FOXP2: variants seen among roughly 807,000 people sequenced by gnomAD.
FOXP2 encodes the protein forkhead box protein P2.
FOXP2 carries 12 observed loss-of-function variants against 115.8 expected under a neutral mutation model. The observed-to-expected ratio is 0.10, with a 90% confidence interval of 0.07 to 0.17. The LOEUF (loss-of-function observed/expected upper bound fraction) is 0.17. Among genes scored for constraint, FOXP2 ranks in the 10% least tolerant of loss-of-function variants. The pLI, the probability that FOXP2 is intolerant of heterozygous loss-of-function variation, is 1.00. For missense variants in FOXP2, 629 were observed against 843.5 expected (o/e 0.75, Z 3.15); for synonymous variants, 328 against 297.7 (o/e 1.10, Z -1.05).
intron 3 of FOXP2, among the ~76,000 whole-genome samples, chr7:114,548,692 A>G (rs1193658255): frequency 6.6e-6 from 1 of 152,194 alleles, no homozygotes; most frequent in Non-Finnish European, 1.5e-5. Flanking sequence ...CACTAGGTAA[A>G]GAACAATACA....
At chr7:114,483,956 G>A (rs190708217) in intron 2 of FOXP2, among the ~76,000 whole-genome samples, 1 of 151,718 alleles carries the variant, frequency 6.6e-6, no homozygotes, top group Admixed American at 6.6e-5. Flanking sequence ...TAAGACATGA[G>A]AGCATTTTAA....
In FOXP2 at chr7:114,658,146, A is replaced by T; in HGVS notation, c.1347A>T (p.Thr449=). 6.2e-7 allele frequency: 1 copy of T among 1,613,648 alleles called. No individual in the cohort carries two copies. The highest frequency in any genetic ancestry group is 8.5e-7 in the Non-Finnish European group (1 of 1,179,838). ...AGAGCTTACCTCAAACCCCTACCAC[A>T]CCAACGGCCCCAGTCACCCCGATTA... ...SPQSLPQTPT[T]PTAPVTPITQ... The change falls in exon 11 of 17, where the codon ACA becomes ACT. Residue 449 remains threonine, a synonymous_variant. Transcript: ENST00000350908.
intron 1 of FOXP2, among the ~76,000 whole-genome samples, chr7:114,108,496 T>C (rs1042359622): frequency 4.0e-5 from 6 of 148,416 alleles, no homozygotes; most frequent in Admixed American, 2.0e-4. Flanking sequence ...TCAAATCTAA[T>C]AGACTGATTT....
chr7:114,513,070 A>G (rs1270508169), intron 2 of FOXP2, among the ~76,000 whole-genome samples: 4 of 152,138 alleles, frequency 2.6e-5, no homozygotes, highest in Non-Finnish European at 5.9e-5. Context: ...GTGACAGACC[A>G]AGACTCCATC....
chr7:114,159,827 T>C (rs1337623645), upstream of FOXP2, among the ~76,000 whole-genome samples: 1 of 152,232 alleles, frequency 6.6e-6, no homozygotes, highest in Non-Finnish European at 1.5e-5. Flanking sequence ...ATAAACTTAT[T>C]TAACATGTAT....
intron 2 of FOXP2, among the ~76,000 whole-genome samples, chr7:114,428,944 A>G (rs983149253): frequency 2.0e-5 from 3 of 151,638 alleles, no homozygotes; most frequent in Non-Finnish European, 4.4e-5. Flanking sequence ...ATTACTTCTT[A>G]TAATTATAAT....
intron 2 of FOXP2, among the ~76,000 whole-genome samples, chr7:114,350,576 AT>A (rs1422962318): frequency 3.3e-5 from 5 of 152,118 alleles, no homozygotes; most frequent in Non-Finnish European, 7.4e-5. Context: ...TCCCCCTCAC[AT>A]AAGAGCCTCA....
chr7:114,184,044 T>C, intron 1 of FOXP2, among the ~76,000 whole-genome samples: 1 of 152,220 alleles, frequency 6.6e-6, no homozygotes. Context: ...TTAAGATTTG[T>C]TACTTTCAAG....
intron 1 of FOXP2, among the ~76,000 whole-genome samples, chr7:114,194,001 A>C (rs1490061855): frequency 6.8e-6 from 1 of 146,234 alleles, no homozygotes. Context: ...GTGGCAGTGC[A>C]CTTTTTACTA....
At chr7:114,514,477 T>TA (rs35345061) in intron 2 of FOXP2, among the ~76,000 whole-genome samples, 123,737 of 151,834 alleles carry the variant, frequency 0.81, 51,245 homozygotes, top group African/African-American at 0.95. Flanking sequence ...TCAACGTTTT[T>TA]GGTTTCACAT....
intron 1 of FOXP2, among the ~76,000 whole-genome samples, chr7:114,132,579 G>A (rs1040289412): frequency 1.7e-4 from 21 of 126,460 alleles, no homozygotes; most frequent in Non-Finnish European, 3.0e-4. Context: ...GTGTGTGTGT[G>A]TGTGAGAGAG....
chr7:114,442,280 A>G (rs987191317), intron 2 of FOXP2, among the ~76,000 whole-genome samples: 5 of 152,094 alleles, frequency 3.3e-5, no homozygotes, highest in African/African-American at 7.2e-5. Flanking sequence ...ACTGATGTAA[A>G]CAGAAAGATT....
intron 16 of FOXP2, among the ~76,000 whole-genome samples, chr7:114,687,846 C>T (rs1808445368): frequency 6.6e-6 from 1 of 152,060 alleles, no homozygotes; most frequent in African/African-American, 2.4e-5. Flanking sequence ...ATTTTATTTA[C>T]TATGTAATGA....
At chr7:114,642,812 A>ATAT (rs1308357594) in intron 7 of FOXP2, among the ~76,000 whole-genome samples, 189 bp downstream of exon 7, 87 of 72,416 alleles carry the variant, frequency 1.2e-3, no homozygotes, top group African/African-American at 5.6e-3. Context: ...ATATATATAT[A>ATAT]TTTTTTTTTT....
rs141950969 is a variant in FOXP2 at position 114,290,571 on chromosome 7, A to G, written c.-11+2462A>G. 3.3e-5 allele frequency among the ~76,000 whole-genome samples: 5 copies of G among 152,242 alleles called. No individual in the cohort carries two copies. In the East Asian group the frequency reaches 9.6e-4, roughly 29 times the overall value. Reference sequence around the variant, plus strand: ...TTTGCTCTATTTTTGAAATTATTAAAAAGTAAATGGACTATGTAGGAAGCT... The same window carrying G: ...TTTGCTCTATTTTTGAAATTATTAAGAAGTAAATGGACTATGTAGGAAGCT... On this transcript the variant is annotated intron_variant, in intron 2 of 17. Coordinates refer to the FOXP2 transcript ENST00000634411.
At chr7:114,628,276 G>T (rs1016786793) in intron 3 of FOXP2, among the ~76,000 whole-genome samples, 3 of 152,054 alleles carry the variant, frequency 2.0e-5, no homozygotes, top group African/African-American at 7.2e-5. Context: ...AGATATTATA[G>T]CCGAAATTCA....
At chr7:114,369,570 C>A (rs1206940390) in intron 2 of FOXP2, among the ~76,000 whole-genome samples, 1 of 152,046 alleles carries the variant, frequency 6.6e-6, no homozygotes, top group Non-Finnish European at 1.5e-5. Flanking sequence ...TAATAAAGGC[C>A]TTGATGCTTC....
chr7:114,621,376 C>T (rs564428948), intron 3 of FOXP2, among the ~76,000 whole-genome samples: 1 of 152,036 alleles, frequency 6.6e-6, no homozygotes, highest in South Asian at 2.1e-4. Flanking sequence ...GGTTCTTTCA[C>T]CAAGATGCAT....
intron 2 of FOXP2, among the ~76,000 whole-genome samples, chr7:114,526,350 G>A (rs572874784): frequency 8.7e-5 from 13 of 149,462 alleles, no homozygotes; most frequent in African/African-American, 2.5e-4. Flanking sequence ...GGAGGCACGC[G>A]CCTGTAATCC....
Sources: gnomAD v4.1 joint callset for allele counts (sites outside exome capture counted in the v4.1 genomes callset) on GRCh38, gnomAD v4.1.1 for gene constraint, MANE v1.5 for transcripts, NCBI Gene and HGNC (gene_info 2026-07-23, HGNC 2026-07-21) for gene names.